The following TLN2 variants were observed in gnomAD, a reference collection of about 807,000 sequenced individuals.
TLN2 encodes the protein talin-2.
TLN2 carries 118 observed loss-of-function variants against 294.7 expected under a neutral mutation model. That is an observed-to-expected ratio of 0.40 (90% confidence interval 0.34 to 0.47). The LOEUF is 0.47. Ranked by LOEUF, TLN2 falls within the 20% of genes least tolerant of loss-of-function variation. TLN2 has a pLI of 0.84. For missense variants in TLN2, 3,083 were observed against 3,282.2 expected, an observed-to-expected ratio of 0.94 and a Z score of 1.48; for synonymous variants, 1,431 against 1,304.5, an observed-to-expected ratio of 1.10 and a Z score of -2.09.
intron 45 of TLN2, among the ~76,000 whole-genome samples, chr15:62,789,011 G>A (rs1464758217): frequency 5.3e-5 from 8 of 152,192 alleles, no homozygotes; most frequent in Non-Finnish European, 4.4e-5. Flanking sequence ...CCTTTCTGCT[G>A]CCCAAAGGGG....
intron 1 of TLN2, among the ~76,000 whole-genome samples, chr15:62,419,398 G>A (rs1409408880): frequency 2.0e-5 from 3 of 152,204 alleles, no homozygotes; most frequent in Non-Finnish European, 4.4e-5. Context: ...CCACAAGACA[G>A]CTGTTGGTGC....
At chr15:62,496,106 C>A (rs1198157116) in intron 1 of TLN2, among the ~76,000 whole-genome samples, 1 of 152,214 alleles carries the variant, frequency 6.6e-6, no homozygotes, top group African/African-American at 2.4e-5. Context: ...CGCCAGATGT[C>A]AGCCTGCAGA....
chr15:62,397,814 A>G (rs2032680350), intron 1 of TLN2, among the ~76,000 whole-genome samples: 2 of 152,182 alleles, frequency 1.3e-5, no homozygotes, highest in Non-Finnish European at 2.9e-5. Flanking sequence ...AGTTTCCAGA[A>G]GAGTCTTATC....
chr15:62,695,507 G>A (rs1283826986), intron 14 of TLN2, among the ~76,000 whole-genome samples: 1 of 152,204 alleles, frequency 6.6e-6, no homozygotes, highest in African/African-American at 2.4e-5. Context: ...ATACACATAT[G>A]TGGTAGAGCC....
chr15:62,517,794 G>A (rs1341459385), intron 1 of TLN2, among the ~76,000 whole-genome samples: 2 of 152,162 alleles, frequency 1.3e-5, no homozygotes, highest in Non-Finnish European at 2.9e-5. Context: ...GACCTGTTGG[G>A]TAAGTCTGTT....
intron 55 of TLN2, 36 bp downstream of exon 55, chr15:62,833,665 A>G: frequency 2.5e-6 from 4 of 1,603,306 alleles, no homozygotes; most frequent in Middle Eastern, 1.8e-4. Context: ...GGGACACTCA[A>G]CGTACGAGAG....
intron 28 of TLN2, among the ~76,000 whole-genome samples, chr15:62,728,554 CT>C (rs2060558379): frequency 6.6e-6 from 1 of 152,152 alleles, no homozygotes; most frequent in Non-Finnish European, 1.5e-5. Context: ...GTTCTCTATC[CT>C]TGTCACCACT....
intron 1 of TLN2, among the ~76,000 whole-genome samples, chr15:62,498,153 C>CAAAAAAAA (rs538951284): frequency 1.5e-4 from 14 of 93,378 alleles, no homozygotes; most frequent in Admixed American, 2.6e-4. Flanking sequence ...GACCCTGCCT[C>CAAAAAAAA]AAAAAAAAAA....
At chr15:62,576,959 T>A (rs949578771) in intron 1 of TLN2, among the ~76,000 whole-genome samples, 1 of 152,106 alleles carries the variant, frequency 6.6e-6, no homozygotes, top group Non-Finnish European at 1.5e-5. Context: ...AGGGCAGGTG[T>A]CCTGCCCATG....
intron 47 of TLN2, 142 bp from the exon 48 acceptor site, chr15:62,797,077 G>C (rs2065538536): frequency 1.2e-6 from 1 of 846,806 alleles, no homozygotes; most frequent in Non-Finnish European, 1.8e-6. Context: ...GAGTCCGTTG[G>C]TAAAGGGAGG....
chr15:62,820,370 A>C (rs1016557056), intron 53 of TLN2, 116 bp from the exon 54 acceptor site: 2 of 1,096,590 alleles, frequency 1.8e-6, no homozygotes, highest in South Asian at 1.8e-5. Flanking sequence ...CCTTAGGACA[A>C]TGCAGGTCAG....
intron 33 of TLN2, among the ~76,000 whole-genome samples, chr15:62,749,076 A>C (rs971246577): frequency 6.6e-6 from 1 of 152,252 alleles, no homozygotes; most frequent in African/African-American, 2.4e-5. Context: ...ACCTACTTGT[A>C]TGTCCTAACC....
At position 62,653,994 on chromosome 15, in the gene TLN2, G is replaced by A. The variant is rs951461391; in HGVS notation, c.517+680G>A. Among the ~76,000 whole-genome samples, 12 of 152,272 alleles carry A rather than the reference G, an allele frequency of 7.9e-5. No individual in the cohort carries two copies. The East Asian group carries it at 2.3e-3, about 29-fold the overall frequency. On this transcript the variant is annotated intron_variant, in intron 7 of 58. Coordinates refer to ENST00000636159, the MANE Select transcript of TLN2 (RefSeq NM_015059.3). ...ATGGGATGCATTGTGATATATCTGT[G>A]TAGACACTGAAGAAGGATTCAGTCA...
intron 32 of TLN2, among the ~76,000 whole-genome samples, chr15:62,746,572 GC>G (rs1443092077): frequency 1.3e-5 from 2 of 152,150 alleles, no homozygotes; most frequent in East Asian, 3.8e-4. Context: ...AAATAATTAA[GC>G]CGATTGCTTT....
rs1264309939 is a variant in TLN2, at chr15:62,529,754, T to C, written c.-237-59933T>C. 2.0e-5 allele frequency among the ~76,000 whole-genome samples: 3 copies of C among 152,220 alleles called. No homozygotes were observed. The East Asian group carries it at 5.8e-4, about 29-fold the overall frequency. ...ACTTTTCAGTATTTTGCTTTATATT[T>C]TGGAAATCTTTGCACATAAGTAAAT... On this transcript the variant is annotated intron_variant, in intron 1 of 58. Transcript: ENST00000636159.
chr15:62,465,047 C>T (rs1427035291), intron 1 of TLN2, among the ~76,000 whole-genome samples: 1 of 146,982 alleles, frequency 6.8e-6, no homozygotes, highest in African/African-American at 2.5e-5. Context: ...CTTTAGATTT[C>T]CTCTCTCATT....
rs1304608802 is a variant in TLN2, at chr15:62,750,507, C to T, written c.4209+16C>T. 1 of 1,606,200 alleles carries T rather than the reference C, an allele frequency of 6.2e-7. No individual in the cohort carries two copies. Among genetic ancestry groups the T allele is most frequent in the Non-Finnish European group, 8.5e-7 (1 of 1,172,762 alleles). On this transcript the variant is annotated intron_variant, in intron 34 of 58. Transcript: ENST00000636159. ...AAACTCCAAGGTAAGACTGCCTATG[C>T]CGTAAGTCAGAAGTTAGCATTGCTT...
rs1484179130 is a variant in TLN2 at position 62,686,557 on chromosome 15, GA to G, written c.958-81del. The G allele has an allele frequency of 3.3e-6, 5 of 1,497,550 alleles. No homozygotes were observed. In the East Asian group the frequency reaches 7.3e-5, roughly 22 times the overall value. 92.8% of individuals were successfully genotyped at this position (1,497,550 alleles called of 1,614,324 possible). A position where few individuals can be genotyped will look rare whatever the true frequency, so the allele number is the denominator to read the frequency against. On this transcript the variant is annotated intron_variant, in intron 11 of 58. Coordinates refer to ENST00000636159, the MANE Select transcript of TLN2 (RefSeq NM_015059.3). ...GTTTTGAAAGACAGTGTATGCAGGT[GA>G]AAGGTCAAAAAATCACTGATTCCCT...
rs1434298146 is a variant in TLN2, at chr15:62,762,392, G to C, written c.4900G>C (p.Val1634Leu). 6.2e-7 allele frequency: 1 copy of C among 1,614,166 alleles called. No individual in the cohort carries two copies. The change falls in exon 39 of 59, where the codon GTA becomes CTA. Residue 1634 changes from valine to leucine, a missense_variant. Val to Leu is a conservative substitution (Grantham distance 32). Transcript: ENST00000636159. ...CCCCAAAGACCCACCCACCTGGTCT[G>C]TACTGGCTGGACATTCCCATACAGT... Reference protein sequence around the residue: ...INPKDPPTWSVLAGHSHTVSD... With the variant: ...INPKDPPTWSLLAGHSHTVSD...
Sources: allele counts gnomAD v4.1 joint callset (sites outside exome capture counted in the v4.1 genomes callset), GRCh38; gene constraint gnomAD v4.1.1; transcripts MANE v1.5; gene names NCBI Gene and HGNC (gene_info 2026-07-23, HGNC 2026-07-21).